The following MYRFL variants were observed in gnomAD, a reference collection of about 807,000 sequenced individuals.
MYRFL encodes the protein myelin regulatory factor-like protein.
In MYRFL, 88 loss-of-function variants were observed where a neutral mutation model predicts 109.4. That is an observed-to-expected ratio of 0.80 (90% confidence interval 0.68 to 0.96). MYRFL has a LOEUF of 0.96. MYRFL is among the 40% of genes least tolerant of loss of function. The pLI is 0.00. For synonymous variants in MYRFL, 324 were observed against 320.9 expected, an observed-to-expected ratio of 1.01 and a Z score of -0.10; for missense variants, 957 against 954.9, an observed-to-expected ratio of 1.00 and a Z score of -0.03.
intron 13 of MYRFL, among the ~76,000 whole-genome samples, chr12:69,925,087 A>C (rs549719204): frequency 1.3e-5 from 2 of 152,342 alleles, no homozygotes; most frequent in East Asian, 3.9e-4. Flanking sequence ...AGAATTGAAC[A>C]TGCTTTGAGG....
intron 2 of MYRFL, among the ~76,000 whole-genome samples, chr12:69,875,949 TA>T (rs1404052099): frequency 4.6e-5 from 7 of 152,234 alleles, no homozygotes; most frequent in Non-Finnish European, 7.3e-5. Flanking sequence ...TCACTTTGCT[TA>T]GACTCAAATT....
intron 2 of MYRFL, among the ~76,000 whole-genome samples, chr12:69,874,188 A>G (rs1202797252): frequency 1.3e-5 from 2 of 152,112 alleles, no homozygotes; most frequent in African/African-American, 4.8e-5. Context: ...TTATTTTATT[A>G]TTATTTTTGA....
intron 19 of MYRFL, among the ~76,000 whole-genome samples, chr12:69,945,449 G>C (rs1307036391): frequency 2.0e-5 from 3 of 152,132 alleles, no homozygotes; most frequent in Admixed American, 2.0e-4. Flanking sequence ...ATTGCCAACA[G>C]TATTTACAGT....
At chr12:69,852,594 T>TTA (rs1481287372) in intron 1 of MYRFL, among the ~76,000 whole-genome samples, 7 of 146,470 alleles carry the variant, frequency 4.8e-5, no homozygotes, top group Non-Finnish European at 1.5e-5. Flanking sequence ...TTTTTTTTTT[T>TTA]TTTTTAGTAT....
At chr12:69,880,319 G>A (rs1340774546) in intron 5 of MYRFL, 27 bp downstream of exon 5, 2 of 700,722 alleles carry the variant, frequency 2.9e-6, no homozygotes, top group Non-Finnish European at 5.2e-6. Flanking sequence ...GGGAACAAGG[G>A]CGATGCCATC....
In MYRFL at chr12:69,896,650, G is replaced by A. The variant is rs1358679869; in HGVS notation, c.1092-506G>A. On this transcript the variant is annotated intron_variant, in intron 9 of 24. Coordinates refer to ENST00000552032, the MANE Select transcript of MYRFL (RefSeq NM_182530.3). ...GAAGGCACAGGATATATGGCCAAGA[G>A]CAGGCTGAACTGGGAAGGATCCAGT... 2.0e-5 allele frequency among the ~76,000 whole-genome samples: 3 copies of A among 152,362 alleles called. No homozygotes were observed. In the East Asian group the frequency reaches 5.8e-4, roughly 29 times the overall value.
intron 19 of MYRFL, among the ~76,000 whole-genome samples, chr12:69,939,056 C>G (rs571728962): frequency 4.6e-5 from 7 of 152,308 alleles, no homozygotes; most frequent in Non-Finnish European, 1.0e-4. Context: ...CATGGAGTCT[C>G]GCTGATTGCT....
At chr12:69,937,779 G>T (rs931608563) in intron 19 of MYRFL, among the ~76,000 whole-genome samples, 5 of 152,148 alleles carry the variant, frequency 3.3e-5, no homozygotes, top group Admixed American at 2.6e-4. Flanking sequence ...TTGAAATGTT[G>T]GGGTGCAATG....
At chr12:69,874,310 T>C (rs1885527745) in intron 2 of MYRFL, among the ~76,000 whole-genome samples, 3 of 152,180 alleles carry the variant, frequency 2.0e-5, no homozygotes, top group Admixed American at 1.3e-4. Flanking sequence ...CCTGAGTAGC[T>C]GGGAGCACAG....
chr12:69,901,385 G>A (rs74101379), intron 10 of MYRFL, among the ~76,000 whole-genome samples: 6,807 of 152,240 alleles, frequency 0.045, 566 homozygotes, highest in African/African-American at 0.16. Flanking sequence ...TTACTGATGA[G>A]GAATTCTCCC....
At chr12:69,865,632 A>T (rs2136326697) in intron 2 of MYRFL, among the ~76,000 whole-genome samples, 1 of 152,182 alleles carries the variant, frequency 6.6e-6, no homozygotes, top group East Asian at 1.9e-4. Context: ...ATTTCAAAGT[A>T]CTCAGCATGC....
chr12:69,895,958 C>T (rs1253233279), intron 9 of MYRFL, among the ~76,000 whole-genome samples: 4 of 152,154 alleles, frequency 2.6e-5, no homozygotes, highest in Admixed American at 6.5e-5. Context: ...TGCGAGTTCT[C>T]GGGCCTTACT....
chr12:69,861,336 A>C (rs549779429), intron 2 of MYRFL, among the ~76,000 whole-genome samples: 1 of 152,284 alleles, frequency 6.6e-6, no homozygotes, highest in South Asian at 2.1e-4. Context: ...GACTTCCACA[A>C]TGGATGAACT....
intron 1 of MYRFL, among the ~76,000 whole-genome samples, chr12:69,834,054 C>G (rs1043839325): frequency 2.6e-5 from 4 of 151,992 alleles, no homozygotes; most frequent in Admixed American, 6.6e-5. Context: ...TATCAGAACA[C>G]CATCACTGTT....
chr12:69,871,234 T>A (rs1431399012), intron 2 of MYRFL, among the ~76,000 whole-genome samples: 1 of 131,784 alleles, frequency 7.6e-6, no homozygotes, highest in Non-Finnish European at 1.5e-5. Flanking sequence ...GATATTTCTT[T>A]TTTTTTTTTT....
At chr12:69,951,133 G>C (rs1368376464) in intron 19 of MYRFL, among the ~76,000 whole-genome samples, 3 of 152,206 alleles carry the variant, frequency 2.0e-5, no homozygotes, top group African/African-American at 4.8e-5. Context: ...AGTAATAAGT[G>C]CTATGGCATT....
intron 10 of MYRFL, among the ~76,000 whole-genome samples, chr12:69,902,659 A>G (rs1954231261): frequency 6.6e-6 from 1 of 152,244 alleles, no homozygotes; most frequent in Non-Finnish European, 1.5e-5. Flanking sequence ...AAAATACATC[A>G]TAATTTTAAA....
chr12:69,912,507 T>G (rs1283526812), intron 13 of MYRFL, among the ~76,000 whole-genome samples: 1 of 152,182 alleles, frequency 6.6e-6, no homozygotes, highest in African/African-American at 2.4e-5. Context: ...ACCACAATTC[T>G]ATTGTCTGTT....
intron 5 of MYRFL, among the ~76,000 whole-genome samples, chr12:69,883,132 A>G (rs1886233075): frequency 6.6e-6 from 1 of 152,212 alleles, no homozygotes; most frequent in Admixed American, 6.5e-5. Flanking sequence ...GAGATCCTCA[A>G]TCTAGCATGA....
Sources: gnomAD v4.1 joint callset for allele counts (sites outside exome capture counted in the v4.1 genomes callset) on GRCh38, gnomAD v4.1.1 for gene constraint, MANE v1.5 for transcripts, NCBI Gene and HGNC (gene_info 2026-07-23, HGNC 2026-07-21) for gene names.